The following SARDH variants were observed in gnomAD, a reference collection of about 807,000 sequenced individuals.
The protein encoded by SARDH is sarcosine dehydrogenase.
SARDH carries 95 observed loss-of-function variants against 109.1 expected under a neutral mutation model. That is an observed-to-expected ratio of 0.87 (90% CI 0.74 to 1.03). The LOEUF is 1.03. SARDH is among the 50% of genes least tolerant of loss of function. The pLI, the probability that SARDH is intolerant of heterozygous loss-of-function variation, is 0.00. For missense variants in SARDH, 1,267 were observed against 1,287.8 expected (o/e 0.98, Z 0.25); for synonymous variants, 572 against 534.8 (o/e 1.07, Z -0.96).
Position 133,666,677 on chromosome 9 carries a change from G to A in SARDH, c.2631+58C>T. On this transcript the variant is annotated intron_variant, in intron 20 of 20. Transcript: ENST00000439388. This position sits in a 1 kb window ranked among gnomAD's most constrained non-coding sequence, Gnocchi z 5.2. Reference sequence around the variant, plus strand: ...ACTCAGGGTGCAGTGCAGGGAGCTGGTTTGGAGCTGGTGAGGGATCGGCAT... The same window carrying A: ...ACTCAGGGTGCAGTGCAGGGAGCTGATTTGGAGCTGGTGAGGGATCGGCAT... The A allele has an allele frequency of 3.2e-6, 5 of 1,552,932 alleles. No homozygotes were observed. The highest frequency in any genetic ancestry group is 4.4e-6 in the Non-Finnish European group (5 of 1,147,786).
In SARDH at chr9:133,702,818, G is replaced by A; in HGVS notation, c.1668+98C>T. The A allele has an allele frequency of 3.0e-6, 3 of 1,014,284 alleles. 1 individual carries two copies. The highest frequency in any genetic ancestry group is 2.0e-5 in the Admixed American group (1 of 50,472). 62.8% of individuals were successfully genotyped at this position (1,014,284 alleles called of 1,614,324 possible). On this transcript the variant is annotated intron_variant, in intron 13 of 20. Coordinates refer to ENST00000439388, the MANE Select transcript of SARDH (RefSeq NM_001134707.2). ...GCAGAGCCCGAAGAGACTCCTGGGG[G>A]AGGGGAGCCCCTGCAGGGCCAGCCG...
At position 133,692,860 on chromosome 9, in the gene SARDH, G is replaced by A. The variant is rs535597652; in HGVS notation, c.1921+1398C>T. On this transcript the variant is annotated intron_variant, in intron 15 of 20. Coordinates refer to ENST00000439388, the MANE Select transcript of SARDH (RefSeq NM_001134707.2). The surrounding 1 kb of genome is among the most constrained non-coding windows in gnomAD (Gnocchi z 5.0). ...TCCCTCAGCCTCCACGTCGCCAACGGCAGGAGGGAAGGGGTGGGCGAGCTC... is the reference window on the plus strand; with the variant it reads ...TCCCTCAGCCTCCACGTCGCCAACGACAGGAGGGAAGGGGTGGGCGAGCTC... Among the ~76,000 whole-genome samples, 1 of 152,146 alleles carries A rather than the reference G, an allele frequency of 6.6e-6. No homozygotes were observed. Among genetic ancestry groups the A allele is most frequent in the Non-Finnish European group, 1.5e-5 (1 of 68,026 alleles).
At chr9:133,697,441 C>T (rs376806806) in intron 13 of SARDH, among the ~76,000 whole-genome samples, 36 of 152,244 alleles carry the variant, frequency 2.4e-4, no homozygotes, top group African/African-American at 7.9e-4. Context: ...CAGCATTACC[C>T]TGATGCCAAA....
At position 133,699,699 on chromosome 9, in the gene SARDH, T is replaced by C. The variant is rs562841344; in HGVS notation, c.1668+3217A>G. ...GCCATTTCACAACCACCAGGATGTC[T>C]AGAATCAAAAAGTCAGATAATAATA... On this transcript the variant is annotated intron_variant, in intron 13 of 20. Coordinates refer to ENST00000439388, the MANE Select transcript of SARDH (RefSeq NM_001134707.2). Among the ~76,000 whole-genome samples the C allele has an allele frequency of 1.1e-4, 17 of 152,186 alleles. No homozygotes were observed. In the South Asian group the frequency reaches 2.7e-3, roughly 24 times the overall value.
At chr9:133,707,996 C>T (rs1831759608) in intron 11 of SARDH, among the ~76,000 whole-genome samples, 2 of 152,172 alleles carry the variant, frequency 1.3e-5, no homozygotes, top group South Asian at 4.1e-4. Context: ...GTTGGCGCTG[C>T]TGCCAGCAGT....
chr9:133,725,782 G>C (rs1330325075), intron 6 of SARDH: 1 of 219,508 alleles, frequency 4.6e-6, no homozygotes, highest in African/African-American at 2.3e-5. Flanking sequence ...AACCAAACAA[G>C]ACCGTTTAGA....
chr9:133,701,543 G>T (rs1286203385), intron 13 of SARDH, among the ~76,000 whole-genome samples: 1 of 152,240 alleles, frequency 6.6e-6, no homozygotes, highest in Non-Finnish European at 1.5e-5. Flanking sequence ...GCGCGTTTGC[G>T]GAGGCCGGAT....
intron 16 of SARDH, among the ~76,000 whole-genome samples, chr9:133,685,725 GGTAGCCACGGCCC>G (rs1026343188): frequency 3.4e-4 from 51 of 152,176 alleles, no homozygotes; most frequent in Non-Finnish European, 1.6e-4. Context: ...CTGCTGCTTT[GGTAGCCACGGCCC>G]GAGAGAGGAG....
At chr9:133,715,885 G>T (rs1832102655) in intron 8 of SARDH, among the ~76,000 whole-genome samples, 1 of 152,234 alleles carries the variant, frequency 6.6e-6, no homozygotes, top group African/African-American at 2.4e-5. Flanking sequence ...CTTCACTAAA[G>T]GCACAGAGGG....
chr9:133,709,205 C>T lies in SARDH; in HGVS notation c.1329-777G>A, dbSNP rs575169226. 2.6e-5 allele frequency among the ~76,000 whole-genome samples: 4 copies of T among 152,320 alleles called. No individual in the cohort carries two copies. The highest frequency in any genetic ancestry group is 4.1e-4 in the South Asian group (2 of 4,834). ...CCGGTGGTGTCCAGCACGAACCCGG[C>T]GGGCCCCATGCTATTTCTCATGGAG... is the stretch of plus-strand genomic sequence containing the variant. On this transcript the variant is annotated intron_variant, in intron 10 of 20. Transcript: ENST00000439388. This position sits in a 1 kb window ranked among gnomAD's most constrained non-coding sequence, Gnocchi z 4.2.
intron 17 of SARDH, among the ~76,000 whole-genome samples, chr9:133,684,215 G>A (rs945251696): frequency 1.3e-5 from 2 of 152,354 alleles, no homozygotes; most frequent in African/African-American, 4.8e-5. Flanking sequence ...ACGACGGTGG[G>A]TGCCACTGGC....
rs1258351849 is a variant in SARDH, at chr9:133,704,488, A to G, written c.1554+460T>C. Among the ~76,000 whole-genome samples the G allele has an allele frequency of 6.6e-6, 1 of 152,144 alleles. No homozygotes were observed. Among genetic ancestry groups the G allele is most frequent in the Non-Finnish European group, 1.5e-5 (1 of 68,010 alleles). ...GAGTCCAGGCCACTGTGAAACCTCCACTGGGAAACTGAGCACCCTGGGTGC... is the reference window on the plus strand; with the variant it reads ...GAGTCCAGGCCACTGTGAAACCTCCGCTGGGAAACTGAGCACCCTGGGTGC... On this transcript the variant is annotated intron_variant, in intron 12 of 20. Coordinates refer to ENST00000439388, the MANE Select transcript of SARDH (RefSeq NM_001134707.2). The surrounding 1 kb of genome is among the most constrained non-coding windows in gnomAD (Gnocchi z 4.5).
In SARDH at chr9:133,718,395, C is replaced by G; in HGVS notation, c.1020+543G>C. On this transcript the variant is annotated intron_variant, in intron 7 of 20. Transcript: ENST00000439388. The surrounding 1 kb of genome is among the most constrained non-coding windows in gnomAD (Gnocchi z 4.2). The stretch of plus-strand genomic sequence containing the variant: ...CCATTTGTTTGTTTATTGTATGTCT[C>G]TCCACCAAAATATAGGCACCCAGAG... 1 of 402,906 alleles carries G rather than the reference C, an allele frequency of 2.5e-6. No homozygotes were observed. The highest frequency in any genetic ancestry group is 4.5e-6 in the Non-Finnish European group (1 of 222,810). The allele number at this position is 402,906 out of a possible 1,614,324, so 25.0% of individuals were successfully genotyped here. A position where few individuals can be genotyped will look rare whatever the true frequency, so the allele number is the denominator to read the frequency against.
chr9:133,735,050 C>T (rs1205895492), intron 1 of SARDH, among the ~76,000 whole-genome samples: 4 of 152,098 alleles, frequency 2.6e-5, no homozygotes, highest in Admixed American at 2.6e-4. Flanking sequence ...AGACAGAGAG[C>T]CAGGAGGAGG....
intron 6 of SARDH, among the ~76,000 whole-genome samples, chr9:133,722,801 A>T (rs1832373972): frequency 6.6e-6 from 1 of 151,908 alleles, no homozygotes; most frequent in Non-Finnish European, 1.5e-5. Context: ...CAGCCTACCG[A>T]GTAGCTGGGA....
chr9:133,691,243 G>T (rs1343516710), intron 15 of SARDH, among the ~76,000 whole-genome samples: 1 of 150,044 alleles, frequency 6.7e-6, no homozygotes, highest in African/African-American at 2.5e-5. Context: ...TGGCTCCTGA[G>T]TGGCCCCCCC....
At chr9:133,719,155 C>A (rs749357301) in intron 6 of SARDH, 113 bp from the exon 7 acceptor site, 1 of 829,574 alleles carries the variant, frequency 1.2e-6, no homozygotes, top group Non-Finnish European at 2.0e-6. Flanking sequence ...TCGAGATGGT[C>A]CTTCTCGTTG....
intron 16 of SARDH, among the ~76,000 whole-genome samples, chr9:133,688,156 C>G (rs1410650348): frequency 6.6e-6 from 1 of 152,040 alleles, no homozygotes; most frequent in Non-Finnish European, 1.5e-5. Flanking sequence ...CTCCCTCTAC[C>G]CCAGAGATGC....
At chr9:133,669,495 A>G (rs776079382) in intron 19 of SARDH, among the ~76,000 whole-genome samples, 2 of 151,342 alleles carry the variant, frequency 1.3e-5, no homozygotes, top group South Asian at 2.1e-4. Flanking sequence ...CGTGGGCACC[A>G]CGGGAGGGCC....
Sources: gnomAD v4.1 joint callset for allele counts (sites outside exome capture counted in the v4.1 genomes callset) on GRCh38, gnomAD v4.1.1 for gene constraint, Gnocchi (gnomAD v3.1) non-coding constraint, MANE v1.5 for transcripts, NCBI Gene and HGNC (gene_info 2026-07-23, HGNC 2026-07-21) for gene names.